PTPRT: variants seen among roughly 807,000 people sequenced by gnomAD.
PTPRT encodes the protein protein tyrosine phosphatase receptor type T.
PTPRT carries 56 observed loss-of-function variants against 176.8 expected under a neutral mutation model. The observed-to-expected ratio is 0.32, with a 90% CI of 0.26 to 0.40. PTPRT has a LOEUF of 0.40. Ranked by LOEUF, PTPRT falls within the 10% of genes least tolerant of loss-of-function variation. The pLI is 1.00. For synonymous variants in PTPRT, 783 were observed against 739.0 expected (o/e 1.06, Z -0.96); for missense variants, 1,540 against 1,908.2 (o/e 0.81, Z 3.60).
At chr20:42,204,256 C>T (rs1015356822) in intron 15 of PTPRT, among the ~76,000 whole-genome samples, 1 of 151,890 alleles carries the variant, frequency 6.6e-6, no homozygotes, top group Non-Finnish European at 1.5e-5. Context: ...AGATTTCCCC[C>T]GCAGAGCCCA....
chr20:42,815,114 T>G (rs769016190), intron 2 of PTPRT, among the ~76,000 whole-genome samples: 2 of 152,220 alleles, frequency 1.3e-5, no homozygotes, highest in Non-Finnish European at 2.9e-5. Flanking sequence ...TATTAAAGTT[T>G]ATACTATTCA....
chr20:42,303,279 T>C (rs1487534534), intron 12 of PTPRT, among the ~76,000 whole-genome samples: 1 of 152,232 alleles, frequency 6.6e-6, no homozygotes, highest in Non-Finnish European at 1.5e-5. Flanking sequence ...CAATTTATTA[T>C]GATAATTGTT....
At chr20:42,680,719 C>T (rs1418254019) in intron 6 of PTPRT, among the ~76,000 whole-genome samples, 1 of 152,158 alleles carries the variant, frequency 6.6e-6, no homozygotes, top group Non-Finnish European at 1.5e-5. Context: ...TGGTTTTCTG[C>T]TCTCCTATTT....
chr20:42,407,071 C>T (rs2058967543), intron 9 of PTPRT, among the ~76,000 whole-genome samples: 1 of 152,164 alleles, frequency 6.6e-6, no homozygotes, highest in South Asian at 2.1e-4. Flanking sequence ...ATCAGCACAT[C>T]ACATTTCCCT....
intron 12 of PTPRT, among the ~76,000 whole-genome samples, chr20:42,287,511 T>C (rs2057250194): frequency 6.6e-6 from 1 of 151,614 alleles, no homozygotes; most frequent in Non-Finnish European, 1.5e-5. Context: ...CTCACTCATA[T>C]GCAGAAACTA....
chr20:42,248,599 A>G (rs2056495886), intron 14 of PTPRT, 88 bp downstream of exon 14: 2 of 1,491,196 alleles, frequency 1.3e-6, no homozygotes, highest in African/African-American at 1.4e-5. Flanking sequence ...CTGCTGGACA[A>G]TGATCAACAG....
At chr20:42,582,732 G>T (rs1023341872) in intron 7 of PTPRT, among the ~76,000 whole-genome samples, 20 of 152,208 alleles carry the variant, frequency 1.3e-4, no homozygotes, top group Non-Finnish European at 2.1e-4. Context: ...GGAACTGGAA[G>T]AAATTAACTC....
the PTPRT span, among the ~76,000 whole-genome samples, chr20:42,055,842 C>T: frequency 6.6e-6 from 1 of 152,176 alleles, no homozygotes; most frequent in Non-Finnish European, 1.5e-5. Flanking sequence ...TCTTGATCCT[C>T]AGTGGAACCA....
chr20:42,686,554 G>GCTCAC (rs1050635609), intron 6 of PTPRT, among the ~76,000 whole-genome samples: 2 of 125,838 alleles, frequency 1.6e-5, no homozygotes, highest in Non-Finnish European at 1.6e-5. Context: ...CGCGATCTCA[G>GCTCAC]CTCACCGCAG....
intron 1 of PTPRT, among the ~76,000 whole-genome samples, chr20:42,974,833 C>T (rs1982850289): frequency 6.6e-6 from 1 of 152,196 alleles, no homozygotes; most frequent in East Asian, 1.9e-4. Flanking sequence ...GCACTACCCC[C>T]AATGGTCATT....
chr20:42,154,043 C>G (rs538544830), intron 17 of PTPRT, among the ~76,000 whole-genome samples: 1 of 152,048 alleles, frequency 6.6e-6, no homozygotes, highest in Non-Finnish European at 1.5e-5. Flanking sequence ...TGGAGTGAAA[C>G]GAGCAGGTGG....
chr20:42,248,097 C>A (rs970043795), intron 14 of PTPRT, among the ~76,000 whole-genome samples: 1 of 152,084 alleles, frequency 6.6e-6, no homozygotes, highest in Non-Finnish European at 1.5e-5. Flanking sequence ...GGGAGACATG[C>A]TTTTGAGAGG....
chr20:42,881,382 C>T (rs534600903), intron 2 of PTPRT, among the ~76,000 whole-genome samples: 11 of 152,240 alleles, frequency 7.2e-5, no homozygotes, highest in South Asian at 4.1e-4. Context: ...TTTAGACAGA[C>T]GGATAAGGGA....
intron 1 of PTPRT, among the ~76,000 whole-genome samples, chr20:42,922,608 C>T (rs928653485): frequency 6.6e-6 from 1 of 152,156 alleles, no homozygotes; most frequent in Admixed American, 6.5e-5. Flanking sequence ...CTTAGTCTTG[C>T]CCACACCACT....
chr20:42,851,646 A>AT (rs2078472940), intron 2 of PTPRT, among the ~76,000 whole-genome samples: 1 of 152,158 alleles, frequency 6.6e-6, no homozygotes, highest in Admixed American at 6.6e-5. Flanking sequence ...GTCAGCAAAT[A>AT]TTTTTCGTAA....
At chr20:42,247,062 T>G (rs1267365843) in intron 14 of PTPRT, among the ~76,000 whole-genome samples, 2 of 152,226 alleles carry the variant, frequency 1.3e-5, no homozygotes, top group African/African-American at 4.8e-5. Flanking sequence ...GTGTTGACCT[T>G]AACCCTTTGA....
At chr20:42,569,553 C>G (rs1282212646) in intron 7 of PTPRT, among the ~76,000 whole-genome samples, 1 of 152,180 alleles carries the variant, frequency 6.6e-6, no homozygotes, top group African/African-American at 2.4e-5. Flanking sequence ...TGCACCCTGT[C>G]TATAAACTCA....
At chr20:43,031,787 G>A (rs1237427062) in intron 1 of PTPRT, among the ~76,000 whole-genome samples, 1 of 152,194 alleles carries the variant, frequency 6.6e-6, no homozygotes, top group African/African-American at 2.4e-5. Context: ...ATAAGGGACT[G>A]TCTCTGAAGA....
intron 7 of PTPRT, among the ~76,000 whole-genome samples, chr20:42,649,803 C>A (rs1293602415): frequency 6.6e-6 from 1 of 151,852 alleles, no homozygotes; most frequent in Non-Finnish European, 1.5e-5. Context: ...AACAAGAGAA[C>A]CTCTTTGCAT....
Sources: gnomAD v4.1 joint callset for allele counts (sites outside exome capture counted in the v4.1 genomes callset) on GRCh38, gnomAD v4.1.1 for gene constraint, MANE v1.5 for transcripts, NCBI Gene and HGNC (gene_info 2026-07-23, HGNC 2026-07-21) for gene names.